The following GCA variants were observed in gnomAD, a reference collection of about 807,000 sequenced individuals.
GCA encodes grancalcin, EF-hand calcium-binding protein.
A neutral mutation model predicts 32.6 loss-of-function variants in GCA; 30 were observed. The observed-to-expected ratio is 0.92, with a 90% CI of 0.69 to 1.25. GCA has a LOEUF of 1.25. GCA is among the 50% of genes most tolerant of loss of function. GCA has a pLI of 0.00. For synonymous variants in GCA, 102 were observed against 84.6 expected (o/e 1.21, Z -1.13); for missense variants, 291 against 266.8 (o/e 1.09, Z -0.63).
intron 1 of GCA, among the ~76,000 whole-genome samples, chr2:162,328,305 T>A (rs966911530): frequency 2.7e-5 from 4 of 150,488 alleles, no homozygotes; most frequent in Admixed American, 6.6e-5. Flanking sequence ...GGCAGGAGAA[T>A]TGCTTGAACC....
rs1159136519 is a variant in GCA at position 162,352,155 on chromosome 2, TG to T, written c.193-182del. ...CTTCAGAAGTGGAAGAAATTATTTC[TG>T]TGGTATGATATTTTGTAATATGCCT... is the stretch of plus-strand genomic sequence containing the variant. On this transcript the variant is annotated intron_variant, in intron 2 of 7. Transcript: ENST00000437150. 7.2e-5 allele frequency among the ~76,000 whole-genome samples: 11 copies of T among 152,330 alleles called. No homozygotes were observed. In the East Asian group the frequency reaches 2.1e-3, roughly 29 times the overall value.
downstream of GCA, among the ~76,000 whole-genome samples, chr2:162,366,062 A>G (rs1685739662): frequency 6.6e-6 from 1 of 151,716 alleles, no homozygotes; most frequent in Admixed American, 6.6e-5. Flanking sequence ...GGAAATACAA[A>G]GGATAGAGGT....
chr2:162,323,483 CATGCGT>C, intron 1 of GCA, among the ~76,000 whole-genome samples: 1 of 151,832 alleles, frequency 6.6e-6, no homozygotes, highest in East Asian at 1.9e-4. Context: ...AGTCCTTGCC[CATGCGT>C]ATGTCCTGAA....
At chr2:162,341,967 C>T (rs141287025), upstream of GCA, among the ~76,000 whole-genome samples, 715 of 152,116 alleles carry the variant, frequency 4.7e-3, 7 homozygotes, top group African/African-American at 0.017. Flanking sequence ...CGTATTCACT[C>T]TATAACTATT....
chr2:162,366,432 T>C (rs779641971), downstream of GCA, among the ~76,000 whole-genome samples: 10 of 151,894 alleles, frequency 6.6e-5, no homozygotes, highest in Non-Finnish European at 1.5e-4. Flanking sequence ...CAATCTCCAC[T>C]TAATAGTTTA....
chr2:162,351,549 G>A (rs1339146248), intron 2 of GCA, among the ~76,000 whole-genome samples: 2 of 152,158 alleles, frequency 1.3e-5, no homozygotes, highest in Admixed American at 1.3e-4. Flanking sequence ...CCATTAGAAT[G>A]TGAGTGTTAA....
chr2:162,370,284 T>G (rs1031960099), intron 4 of GCA, among the ~76,000 whole-genome samples: 5 of 152,130 alleles, frequency 3.3e-5, no homozygotes, highest in African/African-American at 1.2e-4. Context: ...TAACAAACTT[T>G]CAATAAATTT....
chr2:162,347,563 C>G lies in GCA; in HGVS notation c.28-15C>G, dbSNP rs767570262. On this transcript the variant is annotated splice_polypyrimidine_tract_variant and intron_variant, in intron 1 of 7. Coordinates refer to ENST00000437150, the MANE Select transcript of GCA (RefSeq NM_012198.5). The stretch of plus-strand genomic sequence containing the variant: ...GTATTTATATTACTAACCTTCTCCC[C>G]TTTCACTATTATAGTTTGGAAATTT... The G allele has an allele frequency of 1.9e-6, 3 of 1,538,520 alleles. No individual in the cohort carries two copies. The highest frequency in any genetic ancestry group is 2.7e-6 in the Non-Finnish European group (3 of 1,129,676).
At chr2:162,324,280 T>A (rs899607618) in intron 1 of GCA, among the ~76,000 whole-genome samples, 2 of 152,116 alleles carry the variant, frequency 1.3e-5, no homozygotes, top group African/African-American at 4.8e-5. Context: ...AAGAATCGGA[T>A]CACACCTGGG....
chr2:162,335,551 A>G (rs902665842), intron 1 of GCA, among the ~76,000 whole-genome samples: 2 of 152,198 alleles, frequency 1.3e-5, no homozygotes, highest in African/African-American at 2.4e-5. Context: ...CAGAAGGGAC[A>G]GCTGGAGAAA....
At chr2:162,344,733 C>T (rs1163404881) in intron 1 of GCA, among the ~76,000 whole-genome samples, 10 of 151,738 alleles carry the variant, frequency 6.6e-5, no homozygotes, top group Admixed American at 3.9e-4. Context: ...TACTGTTATA[C>T]GAAGGGCAAT....
chr2:162,367,114 G>A (rs1685776696), downstream of GCA, among the ~76,000 whole-genome samples: 1 of 151,762 alleles, frequency 6.6e-6, no homozygotes, highest in Non-Finnish European at 1.5e-5. Context: ...TATGTTAGAT[G>A]CTAACACCAT....
chr2:162,332,449 G>T (rs1684130760), intron 1 of GCA, among the ~76,000 whole-genome samples: 4 of 150,122 alleles, frequency 2.7e-5, no homozygotes, highest in Admixed American at 2.7e-4. Context: ...TAAATCCTTA[G>T]CTAATATTTG....
At chr2:162,354,128 G>A (rs901317689) in intron 3 of GCA, among the ~76,000 whole-genome samples, 1 of 151,576 alleles carries the variant, frequency 6.6e-6, no homozygotes, top group Non-Finnish European at 1.5e-5. Context: ...TGCTTGTTTT[G>A]GTTGTCTTTC....
chr2:162,333,407 A>G (rs1410661895), intron 1 of GCA, among the ~76,000 whole-genome samples: 2 of 152,068 alleles, frequency 1.3e-5, no homozygotes, highest in East Asian at 1.9e-4. Flanking sequence ...TGAATTCCCA[A>G]TAAATAGGCT....
At chr2:162,364,036 G>A (rs1356912528), downstream of GCA, among the ~76,000 whole-genome samples, 1 of 151,434 alleles carries the variant, frequency 6.6e-6, no homozygotes, top group Admixed American at 6.6e-5. Flanking sequence ...AAGCTTACCG[G>A]GAGTGAGAAT....
chr2:162,324,761 T>G (rs1576253439), intron 1 of GCA, among the ~76,000 whole-genome samples: 2 of 152,350 alleles, frequency 1.3e-5, no homozygotes, highest in East Asian at 3.9e-4. Flanking sequence ...GACCACGCTC[T>G]TCCCTTCTCA....
At chr2:162,363,779 G>C (rs1685668456), downstream of GCA, among the ~76,000 whole-genome samples, 1 of 151,442 alleles carries the variant, frequency 6.6e-6, no homozygotes, top group Non-Finnish European at 1.5e-5. Context: ...TATAAAGAAA[G>C]AGTCTTATAT....
chr2:162,368,161 T>C (rs999527902), intron 4 of GCA, among the ~76,000 whole-genome samples: 19 of 151,970 alleles, frequency 1.3e-4, no homozygotes, highest in Non-Finnish European at 2.6e-4. Flanking sequence ...CAGGTGATGC[T>C]AGTAGTGTTG....
Sources: gnomAD v4.1 joint callset for allele counts (sites outside exome capture counted in the v4.1 genomes callset) on GRCh38, gnomAD v4.1.1 for gene constraint, MANE v1.5 for transcripts, NCBI Gene and HGNC (gene_info 2026-07-23, HGNC 2026-07-21) for gene names.